The following TBC1D15 variants were observed in gnomAD, a reference collection of about 807,000 sequenced individuals.
TBC1D15 encodes the protein TBC1 domain family member 15.
A neutral mutation model predicts 95.4 loss-of-function variants in TBC1D15; 39 were observed. The ratio of observed to expected loss-of-function variants is 0.41; its 90% confidence interval spans 0.32 to 0.53. The LOEUF is 0.53. Ranked by LOEUF, TBC1D15 falls within the 20% of genes least tolerant of loss-of-function variation. The probability of loss-of-function intolerance (pLI) is 0.29; values close to 1 mark genes in which losing one functional copy is unlikely to be tolerated. For missense variants in TBC1D15, 733 were observed against 794.3 expected, an observed-to-expected ratio of 0.92 and a Z score of 0.93; for synonymous variants, 258 against 261.3, an observed-to-expected ratio of 0.99 and a Z score of 0.12.
At chr12:71,841,519 C>T (rs1885003313) in intron 1 of TBC1D15, among the ~76,000 whole-genome samples, 1 of 152,196 alleles carries the variant, frequency 6.6e-6, no homozygotes, top group Non-Finnish European at 1.5e-5. Flanking sequence ...AAGTTCAGAT[C>T]TGGTTTAATG....
In TBC1D15 at chr12:71,858,083, T is replaced by G. The variant is rs138328850; in HGVS notation, c.31-13987T>G. On this transcript the variant is annotated intron_variant, in intron 1 of 16. Coordinates refer to ENST00000485960, the MANE Select transcript of TBC1D15 (RefSeq NM_001146213.3). ...TATGCAACATTTTCTTTCTTTCTTTTTTTTTTGAGACGGAGTTTCGCTCTT... is the reference window on the plus strand; with the variant it reads ...TATGCAACATTTTCTTTCTTTCTTTGTTTTTTGAGACGGAGTTTCGCTCTT... Among the ~76,000 whole-genome samples the G allele has an allele frequency of 1.2e-3, 185 of 152,306 alleles. 1 individual carries two copies. The highest frequency in any genetic ancestry group is 2.1e-3 in the Non-Finnish European group (146 of 68,024).
intron 1 of TBC1D15, among the ~76,000 whole-genome samples, chr12:71,855,339 AT>A (rs1393262524): frequency 6.6e-6 from 1 of 152,104 alleles, no homozygotes; most frequent in Non-Finnish European, 1.5e-5. Flanking sequence ...ATCACCAGTA[AT>A]TTTTAGCATT....
intron 1 of TBC1D15, chr12:71,868,951 C>T (rs1892074270): frequency 6.6e-6 from 1 of 152,114 alleles, no homozygotes; most frequent in African/African-American, 2.4e-5. Context: ...GTCACAAAAA[C>T]TTGAGAATAT....
At chr12:71,844,844 C>G (rs535599797) in intron 1 of TBC1D15, among the ~76,000 whole-genome samples, 3 of 152,196 alleles carry the variant, frequency 2.0e-5, no homozygotes, top group Non-Finnish European at 2.9e-5. Context: ...TTACATAATA[C>G]TGCTAGTTTA....
chr12:71,883,917 G>A (rs2138522821), intron 4 of TBC1D15, among the ~76,000 whole-genome samples: 1 of 152,202 alleles, frequency 6.6e-6, no homozygotes, highest in African/African-American at 2.4e-5. Context: ...TGAGGTTTAA[G>A]TTGCTTGTTA....
At chr12:71,868,470 T>C (rs1891966743) in intron 1 of TBC1D15, among the ~76,000 whole-genome samples, 1 of 152,100 alleles carries the variant, frequency 6.6e-6, no homozygotes, top group African/African-American at 2.4e-5. Flanking sequence ...ACGGTCTCGA[T>C]CTCCTGACCT....
intron 1 of TBC1D15, among the ~76,000 whole-genome samples, chr12:71,862,486 A>C (rs994073002): frequency 6.6e-6 from 1 of 152,178 alleles, no homozygotes; most frequent in African/African-American, 2.4e-5. Flanking sequence ...TATCTGATAC[A>C]TGTAAAGCTA....
At chr12:71,845,429 G>A (rs1173221714) in intron 1 of TBC1D15, among the ~76,000 whole-genome samples, 1 of 152,140 alleles carries the variant, frequency 6.6e-6, no homozygotes, top group Non-Finnish European at 1.5e-5. Flanking sequence ...TAGGTTATAG[G>A]GTCTGGATGG....
At chr12:71,870,124 C>T (rs1892347926) in intron 1 of TBC1D15, among the ~76,000 whole-genome samples, 1 of 152,082 alleles carries the variant, frequency 6.6e-6, no homozygotes, top group African/African-American at 2.4e-5. Context: ...TTTCCCCATC[C>T]ATTTAATCTG....
At chr12:71,890,477 G>A (rs1897018126) in intron 5 of TBC1D15, among the ~76,000 whole-genome samples, 1 of 152,028 alleles carries the variant, frequency 6.6e-6, no homozygotes, top group Non-Finnish European at 1.5e-5. Context: ...GAGGAATGTG[G>A]CTTGCATTTG....
Position 71,880,448 on chromosome 12 carries a change from T to C in TBC1D15, c.205-21T>C, listed in dbSNP as rs373608652. 2.2e-4 allele frequency: 329 copies of C among 1,520,684 alleles called. No homozygotes were observed. The African/African-American group carries it at 4.1e-3, about 19-fold the overall frequency. 94.2% of individuals were successfully genotyped at this position (1,520,684 alleles called of 1,614,324 possible). On this transcript the variant is annotated intron_variant, in intron 3 of 16. Transcript: ENST00000485960. ...AATTTGTTTTAGACTTTAAATATTT[T>C]ATATGTTATAATTATTTTAGGACTC...
chr12:71,911,425 A>G (rs1902277919), intron 11 of TBC1D15, among the ~76,000 whole-genome samples: 3 of 151,446 alleles, frequency 2.0e-5, no homozygotes, highest in African/African-American at 4.8e-5. Context: ...CATATACACC[A>G]TGGAATACTA....
chr12:71,900,775 A>G (rs1314107051), intron 10 of TBC1D15, among the ~76,000 whole-genome samples: 1 of 152,116 alleles, frequency 6.6e-6, no homozygotes, highest in Non-Finnish European at 1.5e-5. Context: ...TAAGGCAAGG[A>G]AAAGGGTTAG....
In TBC1D15 at chr12:71,884,867, G is replaced by A; in HGVS notation, c.400G>A (p.Asp134Asn). Reference protein sequence around the residue: ...SKWSFLFSLTDLKSIKQNKEG... With the variant: ...SKWSFLFSLTNLKSIKQNKEG... ...ATGGTCATTCCTGTTCAGTTTGACA[G>A]ACCTGAAATCAATCAAGCAAAACAA... is the stretch of plus-strand genomic sequence containing the variant. The change falls in exon 5 of 17, where the codon GAC (aspartate) becomes AAC (asparagine). Residue 134 changes from aspartate to asparagine, a missense_variant. Physicochemically the swap from Asp to Asn is conservative, Grantham distance 23. Transcript: ENST00000485960. 4 of 1,614,038 alleles carry A rather than the reference G, an allele frequency of 2.5e-6. No homozygotes were observed. The highest frequency in any genetic ancestry group is 3.4e-6 in the Non-Finnish European group (4 of 1,179,946).
chr12:71,840,676 A>G (rs1418074772), intron 1 of TBC1D15, among the ~76,000 whole-genome samples: 5 of 152,220 alleles, frequency 3.3e-5, no homozygotes, highest in Non-Finnish European at 7.3e-5. Context: ...CTCATCGAAC[A>G]CTAATGGTTG....
At chr12:71,867,878 A>G (rs1891819325) in intron 1 of TBC1D15, among the ~76,000 whole-genome samples, 2 of 152,238 alleles carry the variant, frequency 1.3e-5, no homozygotes, top group South Asian at 2.1e-4. Flanking sequence ...TGGATTAAGG[A>G]TGCTCAACCT....
chr12:71,850,816 G>C (rs780868019), intron 1 of TBC1D15, among the ~76,000 whole-genome samples: 1 of 151,750 alleles, frequency 6.6e-6, no homozygotes, highest in African/African-American at 2.4e-5. Context: ...GTGAAACCCC[G>C]TCTCTACTAA....
intron 10 of TBC1D15, among the ~76,000 whole-genome samples, chr12:71,899,528 C>A (rs1898892982): frequency 6.6e-6 from 1 of 152,090 alleles, no homozygotes; most frequent in Admixed American, 6.6e-5. Flanking sequence ...TTTGAGAATG[C>A]TCATCAAAAG....
intron 16 of TBC1D15, 48 bp downstream of exon 16, chr12:71,921,502 T>C: frequency 8.5e-7 from 1 of 1,182,208 alleles, no homozygotes. Context: ...TTTTGGTGGG[T>C]TGAGATCAAG....
Sources: gnomAD v4.1 joint callset for allele counts (sites outside exome capture counted in the v4.1 genomes callset) on GRCh38, gnomAD v4.1.1 for gene constraint, MANE v1.5 for transcripts, NCBI Gene and HGNC (gene_info 2026-07-23, HGNC 2026-07-21) for gene names.